PPARGC1A: variants seen among roughly 807,000 people sequenced by gnomAD.
PPARGC1A encodes peroxisome proliferator-activated receptor gamma coactivator 1-alpha.
In PPARGC1A, 25 loss-of-function variants were observed where a neutral mutation model predicts 88.7. The observed-to-expected ratio is 0.28, with a 90% confidence interval of 0.21 to 0.39. The LOEUF (loss-of-function observed/expected upper bound fraction) is 0.39, where lower values mean the gene tolerates loss of function less well. Among genes scored for constraint, PPARGC1A ranks in the 10% least tolerant of loss-of-function variants. The pLI, the probability that PPARGC1A is intolerant of heterozygous loss-of-function variation, is 1.00. For synonymous variants in PPARGC1A, 363 were observed against 355.6 expected (o/e 1.02, Z -0.24); for missense variants, 880 against 968.7 (o/e 0.91, Z 1.22).
chr4:23,806,068 GA>G (rs1363731156), intron 10 of PPARGC1A, among the ~76,000 whole-genome samples: 1 of 152,116 alleles, frequency 6.6e-6, no homozygotes, highest in Non-Finnish European at 1.5e-5. Context: ...CTAGAGGGGA[GA>G]AACAGGAAAC....
chr4:23,843,763 G>A (rs1299721523), intron 2 of PPARGC1A, among the ~76,000 whole-genome samples: 2 of 151,958 alleles, frequency 1.3e-5, no homozygotes, highest in African/African-American at 4.8e-5. Context: ...TTAAGGTTGA[G>A]ATGCTAGAGT....
At chr4:24,408,450 T>G in the PPARGC1A span, among the ~76,000 whole-genome samples, 1 of 152,222 alleles carries the variant, frequency 6.6e-6, no homozygotes, top group Non-Finnish European at 1.5e-5. Context: ...TTCTTAAATT[T>G]TTTTGCTGCT....
chr4:24,188,375 G>A, the PPARGC1A span, among the ~76,000 whole-genome samples: 1 of 152,100 alleles, frequency 6.6e-6, no homozygotes, highest in African/African-American at 2.4e-5. Context: ...AGAAACGAAA[G>A]GTGAGTCTGG....
the PPARGC1A span, among the ~76,000 whole-genome samples, chr4:24,118,779 T>A: frequency 6.6e-6 from 1 of 152,170 alleles, no homozygotes; most frequent in East Asian, 1.9e-4. Flanking sequence ...ATATTTAAAG[T>A]GTTGATTGGT....
At chr4:23,915,124 T>C in the PPARGC1A span, among the ~76,000 whole-genome samples, 1 of 152,232 alleles carries the variant, frequency 6.6e-6, no homozygotes, top group Non-Finnish European at 1.5e-5. Context: ...TTTTGTACTT[T>C]GGACTGACTC....
chr4:24,232,161 G>A, the PPARGC1A span, among the ~76,000 whole-genome samples: 3 of 151,204 alleles, frequency 2.0e-5, no homozygotes, highest in South Asian at 2.1e-4. Context: ...ATCATGATCC[G>A]ACTCCGTTCT....
the PPARGC1A span, among the ~76,000 whole-genome samples, chr4:24,265,236 T>G: frequency 4.6e-5 from 7 of 152,150 alleles, no homozygotes; most frequent in African/African-American, 1.7e-4. Context: ...TTGGGCGTAT[T>G]TTTGTGCACA....
the PPARGC1A span, among the ~76,000 whole-genome samples, chr4:24,193,004 T>C: frequency 6.6e-6 from 1 of 152,172 alleles, no homozygotes; most frequent in East Asian, 1.9e-4. Flanking sequence ...ACCAGAACAT[T>C]AGAAAAGAGA....
At chr4:24,432,190 C>T in the PPARGC1A span, among the ~76,000 whole-genome samples, 2 of 151,956 alleles carry the variant, frequency 1.3e-5, no homozygotes, top group Non-Finnish European at 2.9e-5. Context: ...TGTAAGGTAG[C>T]GGTAAAGGTG....
the PPARGC1A span, among the ~76,000 whole-genome samples, chr4:24,306,784 C>A: frequency 3.3e-5 from 5 of 152,232 alleles, no homozygotes; most frequent in East Asian, 9.7e-4. Context: ...CTGATCTAGA[C>A]CCTCTACAAA....
chr4:23,847,948 T>C (rs1320555595), intron 2 of PPARGC1A, among the ~76,000 whole-genome samples: 1 of 151,876 alleles, frequency 6.6e-6, no homozygotes, highest in Non-Finnish European at 1.5e-5. Context: ...CATGAGAAAA[T>C]GGGAAGAGAA....
chr4:23,832,340 T>A (rs1233344664), intron 2 of PPARGC1A, among the ~76,000 whole-genome samples: 1 of 152,184 alleles, frequency 6.6e-6, no homozygotes, highest in East Asian at 1.9e-4. Context: ...GTCATAAATC[T>A]CGAACTGCCT....
chr4:24,175,652 T>A, the PPARGC1A span, among the ~76,000 whole-genome samples: 2 of 150,568 alleles, frequency 1.3e-5, no homozygotes, highest in Admixed American at 6.7e-5. Flanking sequence ...CGTCCCAAAG[T>A]GCTGGGATTA....
In PPARGC1A at chr4:23,884,920, C is replaced by T; in HGVS notation, c.66G>A (p.Leu22=). 6.2e-7 allele frequency: 1 copy of T among 1,603,916 alleles called. No individual in the cohort carries two copies. The highest frequency in any genetic ancestry group is 8.5e-7 in the Non-Finnish European group (1 of 1,175,080). The change falls in exon 2 of 13, where the codon CTG becomes CTA. Residue 22 remains leucine, a synonymous_variant. Transcript: ENST00000264867. The part of the protein sequence containing the change: ...SVWSDIECAA[L]VGEDQPLCPD... The stretch of plus-strand genomic sequence containing the variant: ...GGCAAAGAGGCTGGTCTTCACCAAC[C>T]AGAGCAGCACACTGCAGGAGGCAGA...
chr4:23,880,036 T>G (rs1265525742), intron 2 of PPARGC1A: 1 of 151,910 alleles, frequency 6.6e-6, no homozygotes, highest in Non-Finnish European at 1.5e-5. Context: ...CAGCTAGAAA[T>G]ACACATACAT....
chr4:24,430,965 T>A, the PPARGC1A span, among the ~76,000 whole-genome samples: 18 of 150,710 alleles, frequency 1.2e-4, no homozygotes, highest in East Asian at 3.3e-3. Flanking sequence ...TAAAAAAAAA[T>A]ACCAAAAAAG....
chr4:24,353,053 CG>C, the PPARGC1A span, among the ~76,000 whole-genome samples: 4 of 152,184 alleles, frequency 2.6e-5, no homozygotes, highest in Middle Eastern at 3.4e-3. Context: ...TATTGAATGG[CG>C]GGTGGAGGAT....
At chr4:23,993,469 G>C in the PPARGC1A span, among the ~76,000 whole-genome samples, 1 of 152,134 alleles carries the variant, frequency 6.6e-6, no homozygotes, top group Non-Finnish European at 1.5e-5. Flanking sequence ...TGAGATTAAT[G>C]GTTAAAAACA....
chr4:24,434,594 C>T, the PPARGC1A span, among the ~76,000 whole-genome samples: 1 of 152,182 alleles, frequency 6.6e-6, no homozygotes, highest in Non-Finnish European at 1.5e-5. Context: ...GAAACTCATG[C>T]TCTCTAAGGT....
Sources: gnomAD v4.1 joint callset for allele counts (sites outside exome capture counted in the v4.1 genomes callset) on GRCh38, gnomAD v4.1.1 for gene constraint, MANE v1.5 for transcripts, NCBI Gene and HGNC (gene_info 2026-07-23, HGNC 2026-07-21) for gene names.